The following ERC2 variants were observed in gnomAD, a reference collection of about 807,000 sequenced individuals.
The protein encoded by ERC2 is ELKS/RAB6-interacting/CAST family member 2, also known as ERC protein 2.
ERC2 carries 42 observed loss-of-function variants against 114.8 expected under a neutral mutation model. The observed-to-expected ratio is 0.37, with a 90% CI of 0.29 to 0.47. The LOEUF (loss-of-function observed/expected upper bound fraction) is 0.47. ERC2 is among the 20% of genes least tolerant of loss of function. The probability of loss-of-function intolerance (pLI) is 0.99; values close to 1 mark genes in which losing one functional copy is unlikely to be tolerated. For synonymous variants in ERC2, 454 were observed against 425.5 expected, an observed-to-expected ratio of 1.07 and a Z score of -0.82; for missense variants, 939 against 1,150.7, an observed-to-expected ratio of 0.82 and a Z score of 2.66.
intron 17 of ERC2, among the ~76,000 whole-genome samples, chr3:55,565,068 G>C (rs372669650): frequency 5.3e-5 from 8 of 152,158 alleles, no homozygotes; most frequent in African/African-American, 9.7e-5. Flanking sequence ...CTCTAGGATG[G>C]GAGAGCAGCA....
intron 13 of ERC2, among the ~76,000 whole-genome samples, chr3:55,902,032 T>C (rs543391595): frequency 3.3e-5 from 5 of 152,338 alleles, no homozygotes; most frequent in Non-Finnish European, 7.3e-5. Flanking sequence ...ATTTTAAGTG[T>C]CATGTTCAGC....
intron 6 of ERC2, among the ~76,000 whole-genome samples, chr3:56,092,377 C>G (rs1280663265): frequency 6.6e-6 from 1 of 152,112 alleles, no homozygotes; most frequent in African/African-American, 2.4e-5. Context: ...CTTTATAAAC[C>G]TGTTTTCATA....
chr3:56,094,130 AT>A (rs1177155536), intron 6 of ERC2, among the ~76,000 whole-genome samples: 1 of 152,152 alleles, frequency 6.6e-6, no homozygotes, highest in African/African-American at 2.4e-5. Context: ...CCTTCAGAAT[AT>A]TTTTAGGAAA....
chr3:56,220,253 G>C (rs2049811744), intron 3 of ERC2, among the ~76,000 whole-genome samples: 1 of 152,104 alleles, frequency 6.6e-6, no homozygotes, highest in Non-Finnish European at 1.5e-5. Context: ...CTCAGGTTCT[G>C]TTACGTCATG....
intron 17 of ERC2, among the ~76,000 whole-genome samples, chr3:55,568,271 G>C (rs1046464719): frequency 6.6e-6 from 1 of 152,168 alleles, no homozygotes; most frequent in Non-Finnish European, 1.5e-5. Context: ...TTGGATCAGT[G>C]CTAGTTAAAT....
chr3:55,601,105 A>G (rs2058381816), intron 17 of ERC2, among the ~76,000 whole-genome samples: 1 of 152,250 alleles, frequency 6.6e-6, no homozygotes, highest in African/African-American at 2.4e-5. Flanking sequence ...ATTGGTGACC[A>G]GTAAACTGGA....
intron 10 of ERC2, among the ~76,000 whole-genome samples, chr3:55,996,582 T>C (rs2071532725): frequency 6.6e-6 from 1 of 152,196 alleles, no homozygotes; most frequent in African/African-American, 2.4e-5. Flanking sequence ...CATCGCATAC[T>C]ACATCAGTAA....
At chr3:55,871,123 A>G (rs2149282575) in intron 14 of ERC2, among the ~76,000 whole-genome samples, 1 of 152,320 alleles carries the variant, frequency 6.6e-6, no homozygotes, top group Non-Finnish European at 1.5e-5. Context: ...AAATCACCAA[A>G]GTGGTGTCAA....
chr3:55,996,291 GGT>G (rs1160854208), intron 10 of ERC2, among the ~76,000 whole-genome samples: 1 of 152,100 alleles, frequency 6.6e-6, no homozygotes, highest in Admixed American at 6.5e-5. Flanking sequence ...AACACAAATT[GGT>G]GTGAGTTTTC....
chr3:55,776,775 A>C (rs1045260609), intron 14 of ERC2, among the ~76,000 whole-genome samples: 1 of 152,210 alleles, frequency 6.6e-6, no homozygotes, highest in Non-Finnish European at 1.5e-5. Flanking sequence ...GGCTGCTGTG[A>C]GAAGAAAATG....
chr3:55,874,693 T>C (rs1209827328), intron 14 of ERC2, among the ~76,000 whole-genome samples: 2 of 152,038 alleles, frequency 1.3e-5, no homozygotes, highest in Non-Finnish European at 2.9e-5. Context: ...ATGATTCCAA[T>C]GAGGAGACTT....
At chr3:56,189,322 G>A (rs962923120) in intron 3 of ERC2, among the ~76,000 whole-genome samples, 1 of 152,172 alleles carries the variant, frequency 6.6e-6, no homozygotes, top group African/African-American at 2.4e-5. Context: ...TGTTCTTGAT[G>A]GAATGCAAGA....
chr3:55,617,352 T>C (rs1438258004), intron 17 of ERC2, among the ~76,000 whole-genome samples: 2 of 152,152 alleles, frequency 1.3e-5, no homozygotes, highest in African/African-American at 4.8e-5. Flanking sequence ...GAACACAGCA[T>C]GAAGCAAGCC....
chr3:56,289,473 A>G (rs2054939686), intron 3 of ERC2, among the ~76,000 whole-genome samples: 1 of 152,192 alleles, frequency 6.6e-6, no homozygotes, highest in African/African-American at 2.4e-5. Flanking sequence ...GGCTCCCCAG[A>G]GCCCACAGAG....
At chr3:55,806,651 C>G (rs61131462) in intron 14 of ERC2, among the ~76,000 whole-genome samples, 39 of 152,062 alleles carry the variant, frequency 2.6e-4, no homozygotes, top group Non-Finnish European at 5.1e-4. Flanking sequence ...GCCAGGGATG[C>G]TACTAAGCAT....
intron 13 of ERC2, among the ~76,000 whole-genome samples, chr3:55,903,679 T>C (rs1198616315): frequency 1.3e-5 from 2 of 152,214 alleles, no homozygotes; most frequent in Non-Finnish European, 2.9e-5. Context: ...TAAAGGCACC[T>C]CTATCTGGGC....
At chr3:55,974,849 A>G (rs2069458497) in intron 12 of ERC2, among the ~76,000 whole-genome samples, 1 of 152,192 alleles carries the variant, frequency 6.6e-6, no homozygotes, top group Admixed American at 6.5e-5. Context: ...CAACACAAAC[A>G]GCTTCTCAAC....
chr3:55,647,080 T>C (rs907125918), intron 17 of ERC2: 1 of 152,070 alleles, frequency 6.6e-6, no homozygotes, highest in Non-Finnish European at 1.5e-5. Flanking sequence ...AAGGACACAT[T>C]TTTGTTACCC....
At position 56,173,455 on chromosome 3, in the gene ERC2, G is replaced by T. The variant is rs1350866004; in HGVS notation, c.1140C>A (p.Ile380=). 6.2e-7 allele frequency: 1 copy of T among 1,613,790 alleles called. No homozygotes were observed. Among genetic ancestry groups the T allele is most frequent in the South Asian group, 1.1e-5 (1 of 91,054 alleles). ...AGTGCACAGTTCCTACCTTCATTTC[G>T]ATGACAGTCTGGAGAGCCTTCGTCT... is the stretch of plus-strand genomic sequence containing the variant. ...PAKTKALQTV[I]EMKDTKIASL... The change falls in exon 4 of 18, where the codon ATC becomes ATA. Residue 380 remains isoleucine, a synonymous_variant. Coordinates refer to ENST00000288221, the MANE Select transcript of ERC2 (RefSeq NM_015576.3).
Sources: gnomAD v4.1 joint callset for allele counts (sites outside exome capture counted in the v4.1 genomes callset) on GRCh38, gnomAD v4.1.1 for gene constraint, MANE v1.5 for transcripts, NCBI Gene and HGNC (gene_info 2026-07-23, HGNC 2026-07-21) for gene names.